Variants in XRCC3 observed in about 807,000 individuals in gnomAD.
The protein encoded by XRCC3 is X-ray repair cross complementing 3.
XRCC3 carries 34 observed loss-of-function variants against 29.2 expected under a neutral mutation model. That is an observed-to-expected ratio of 1.16 (90% CI 0.88 to 1.55). The LOEUF is 1.55. Ranked by LOEUF, XRCC3 falls within the 40% of genes most tolerant of loss-of-function variation. The pLI is 0.00. For synonymous variants in XRCC3, 223 were observed against 211.3 expected (o/e 1.06, Z -0.48); for missense variants, 463 against 467.6 (o/e 0.99, Z 0.09).
chr14:103,709,110 C>T, intron 4 of XRCC3: 1 of 327,612 alleles, frequency 3.1e-6, no homozygotes, highest in South Asian at 2.5e-5. Flanking sequence ...CGGGAGAGGA[C>T]ATGTGCCCTG....
chr14:103,707,136 C>A lies in XRCC3; in HGVS notation c.273G>T (p.Ala91=). The A allele has an allele frequency of 6.5e-7, 1 of 1,549,634 alleles. No individual in the cohort carries two copies. The highest frequency in any genetic ancestry group is 8.7e-7 in the Non-Finnish European group (1 of 1,146,804). Residue 91 remains alanine, a synonymous_variant, in exon 6 of 10, where the codon GCG becomes GCT. Transcript: ENST00000555055. ...RLSLGCPVLD[A]LLRGGLPLDG... ...CCAGGGGCAGGCCACCGCGGAGCAGCGCGTCCAGCACCGGGCAGCCCAGGC... is the reference window on the plus strand; with the variant it reads ...CCAGGGGCAGGCCACCGCGGAGCAGAGCGTCCAGCACCGGGCAGCCCAGGC...
At chr14:103,702,748 C>T (rs3212088) in intron 7 of XRCC3, 14 of 201,462 alleles carry the variant, frequency 6.9e-5, no homozygotes, top group South Asian at 6.5e-4. Context: ...GCCAAACTGC[C>T]GTCAGGCTCC....
At chr14:103,708,803 C>G in intron 4 of XRCC3, 144 bp from the exon 5 acceptor site, 2 of 1,100,742 alleles carry the variant, frequency 1.8e-6, no homozygotes, top group East Asian at 5.2e-5. Flanking sequence ...ACCGGATCCC[C>G]TGCTCCCTGG....
In XRCC3 at chr14:103,698,867, G is replaced by A; in HGVS notation, c.972C>T (p.Pro324=). ...TGATCGTGTAGGAACAGGAGGAGGG[G>A]GGCAGGTGGGGGGCAGAGAGCACCC... The part of the protein sequence containing the change: ...TLRVLSAPHL[P]PSSCSYTISA... Residue 324 remains proline, a synonymous_variant, in exon 10 of 10, where the codon CCC becomes CCT. Coordinates refer to ENST00000555055, the MANE Select transcript of XRCC3 (RefSeq NM_005432.4). 6.2e-7 allele frequency: 1 copy of A among 1,607,246 alleles called. No individual in the cohort carries two copies.
Position 103,707,129 on chromosome 14 carries a change from G to A in XRCC3, c.280C>T (p.Arg94Cys), listed in dbSNP as rs1317589130. 3.2e-6 allele frequency: 5 copies of A among 1,549,774 alleles called. No homozygotes were observed. Among genetic ancestry groups the A allele is most frequent in the East Asian group, 2.4e-5 (1 of 40,938 alleles). Residue 94 changes from arginine to cysteine, a missense_variant, in exon 6 of 10, where the codon CGC becomes TGC. Transcript: ENST00000555055. ...LGCPVLDALL[R>C]GGLPLDGITE... ...ATGCCGTCCAGGGGCAGGCCACCGC[G>A]GAGCAGCGCGTCCAGCACCGGGCAG...
At chr14:103,706,641 G>A (rs935848798) in intron 6 of XRCC3, 2 of 394,242 alleles carry the variant, frequency 5.1e-6, no homozygotes, top group African/African-American at 2.1e-5. Flanking sequence ...GGCACCCGGG[G>A]AAAGGCTGTG....
chr14:103,699,766 A>C (rs1335810059), intron 7 of XRCC3, among the ~76,000 whole-genome samples, 190 bp from the exon 8 acceptor site: 1 of 152,030 alleles, frequency 6.6e-6, no homozygotes, highest in Admixed American at 6.6e-5. Flanking sequence ...CCAACTATAG[A>C]AGCTTCAGGC....
chr14:103,708,635 ACCT>A lies in XRCC3; in HGVS notation c.77_79del (p.Glu26del), dbSNP rs780945006. On this transcript the variant is annotated inframe_deletion, in exon 5 of 10. Transcript: ENST00000555055. ...CAAGTCTGGTCCAGAAAAGTGTAAA[ACCT>A]CCTTTACCGATTTCAGTTTGGCTGA... The A allele has an allele frequency of 1.6e-5, 26 of 1,613,866 alleles. No homozygotes were observed. The highest frequency in any genetic ancestry group is 2.0e-5 in the Non-Finnish European group (24 of 1,180,018).
chr14:103,706,311 CCT>C, intron 6 of XRCC3: 1 of 455,546 alleles, frequency 2.2e-6, no homozygotes, highest in South Asian at 1.5e-5. Flanking sequence ...GGGGTCCGGC[CCT>C]GTGTGGGAAG....
intron 6 of XRCC3, chr14:103,704,749 T>C (rs1404977930): frequency 1.3e-5 from 2 of 152,208 alleles, no homozygotes; most frequent in African/African-American, 4.8e-5. Flanking sequence ...TTTTATGGCA[T>C]GTAAATTACA....
intron 4 of XRCC3, 153 bp downstream of exon 4, chr14:103,710,880 A>ACC (rs1311567505): frequency 1.1e-5 from 8 of 702,288 alleles, no homozygotes; most frequent in Non-Finnish European, 1.8e-5. Context: ...ACACACACAC[A>ACC]CACCTGAAAA....
At chr14:103,702,765 T>G (rs530633072) in intron 7 of XRCC3, 52 of 200,580 alleles carry the variant, frequency 2.6e-4, no homozygotes, top group African/African-American at 5.9e-4. Context: ...CTCCTGAGCC[T>G]CCTCCTAGGC....
intron 6 of XRCC3, chr14:103,706,695 AGCTGTGCGGAACGTGGGCCGGCATC>A: frequency 2.2e-6 from 1 of 450,292 alleles, no homozygotes; most frequent in South Asian, 2.0e-5. Context: ...TGGGCTTGGC[AGCTGTGCGGAACGTGGGCCGGCATC>A]GCTGTGCTCA....
chr14:103,708,094 C>T (rs956306017), intron 5 of XRCC3: 2 of 306,732 alleles, frequency 6.5e-6, no homozygotes, highest in African/African-American at 4.3e-5. Flanking sequence ...GAAACCTTGT[C>T]CGTCCAGGCG....
chr14:103,700,519 G>A (rs942670121), intron 7 of XRCC3: 20 of 620,632 alleles, frequency 3.2e-5, no homozygotes, highest in Middle Eastern at 4.2e-4. Flanking sequence ...GCCAGATGGA[G>A]GCTGCTAAGG....
At chr14:103,700,790 T>C in intron 7 of XRCC3, 1 of 1,331,192 alleles carries the variant, frequency 7.5e-7, no homozygotes, top group Non-Finnish European at 1.0e-6. Flanking sequence ...ACTTTGCACA[T>C]GCAGGGACTG....
At chr14:103,700,063 A>C in intron 7 of XRCC3, 2 of 234,944 alleles carry the variant, frequency 8.5e-6, no homozygotes, top group Non-Finnish European at 1.7e-5. Flanking sequence ...TCAGACGCTC[A>C]GCAAGGCAGG....
rs2151930917 is a variant in XRCC3, at chr14:103,703,202, G to A, written c.532C>T (p.Gln178Ter). The A allele has an allele frequency of 1.9e-6, 3 of 1,572,278 alleles. No individual in the cohort carries two copies. Among genetic ancestry groups the A allele is most frequent in the South Asian group, 2.3e-5 (2 of 86,338 alleles). ...TCGGCCACGTGCTCGATGAAGATCT[G>A]GCTGCCAAATCGGAGCTTCTGAAGC... ...ELLQKLRFGS[Q>*]IFIEHVADVD... Residue 178 changes from glutamine to a stop codon, truncating the protein, a stop_gained, in exon 7 of 10, where the codon CAG (glutamine) becomes TAG (stop). Coordinates refer to ENST00000555055, the MANE Select transcript of XRCC3 (RefSeq NM_005432.4). LOFTEE classifies it high-confidence loss of function.
chr14:103,703,222 T>C lies in XRCC3; in HGVS notation c.512A>G (p.Gln171Arg). The change falls in exon 7 of 10, where the codon CAG (glutamine) becomes CGG (arginine). Residue 171 changes from glutamine (Q) to arginine (R), a missense_variant. Coordinates refer to ENST00000555055, the MANE Select transcript of XRCC3 (RefSeq NM_005432.4). ...GATCTGGCTGCCAAATCGGAGCTTC[T>C]GAAGCAGCTCTCCTGGAACGTCAGT... ...LRTDVPGELL[Q>R]KLRFGSQIFI... 6.4e-7 allele frequency: 1 copy of C among 1,568,246 alleles called. No homozygotes were observed.
Sources: allele counts gnomAD v4.1 joint callset (sites outside exome capture counted in the v4.1 genomes callset), GRCh38; gene constraint gnomAD v4.1.1; transcripts MANE v1.5; gene names NCBI Gene and HGNC (gene_info 2026-07-23, HGNC 2026-07-21).